DNAI3: variants seen among roughly 807,000 people sequenced by gnomAD.
DNAI3 encodes the protein WD repeat domain 63.
A neutral mutation model predicts 115.5 loss-of-function variants in DNAI3; 83 were observed. The observed-to-expected ratio is 0.72, with a 90% CI of 0.60 to 0.86. DNAI3 has a LOEUF of 0.86. Ranked by LOEUF, DNAI3 falls within the 40% of genes least tolerant of loss-of-function variation. DNAI3 has a pLI of 0.00. For missense variants in DNAI3, 1,004 were observed against 1,075.8 expected (o/e 0.93, Z 0.93); for synonymous variants, 320 against 347.0 (o/e 0.92, Z 0.86).
At chr1:85,089,786 C>A (rs1049277638) in intron 7 of DNAI3, among the ~76,000 whole-genome samples, 2 of 151,962 alleles carry the variant, frequency 1.3e-5, no homozygotes, top group Non-Finnish European at 1.5e-5. Flanking sequence ...ATAAAGATGG[C>A]AAAATGTTAA....
At chr1:85,097,321 T>C (rs902097455) in intron 11 of DNAI3, among the ~76,000 whole-genome samples, 2 of 152,174 alleles carry the variant, frequency 1.3e-5, no homozygotes, top group Non-Finnish European at 2.9e-5. Flanking sequence ...TTATTTTGGA[T>C]TTTTTAAAAA....
chr1:85,129,924 AG>A, intron 21 of DNAI3, 65 bp from the exon 22 acceptor site: 1 of 1,520,128 alleles, frequency 6.6e-7, no homozygotes, highest in Non-Finnish European at 8.8e-7. Context: ...AAATTCTAAC[AG>A]AGCCTTGTAA....
intron 22 of DNAI3, 28 bp from the exon 23 acceptor site, chr1:85,132,827 G>A (rs368724198): frequency 1.3e-6 from 2 of 1,528,746 alleles, no homozygotes; most frequent in South Asian, 1.1e-5. Context: ...TGTTTTATAG[G>A]GATGTCTTGT....
chr1:85,088,754 C>G (rs1055327656), intron 7 of DNAI3, among the ~76,000 whole-genome samples: 1 of 152,032 alleles, frequency 6.6e-6, no homozygotes, highest in African/African-American at 2.4e-5. Context: ...TGAAAAACAA[C>G]AAAACAAATC....
At chr1:85,072,031 G>A in intron 2 of DNAI3, 26 bp downstream of exon 2, 2 of 1,595,754 alleles carry the variant, frequency 1.3e-6, no homozygotes, top group Non-Finnish European at 1.7e-6. Context: ...CATTGAATGG[G>A]ATTTTTTGTG....
In DNAI3 at chr1:85,069,607, C is replaced by T. The variant is rs1273037315; in HGVS notation, c.-14-2321C>T. The stretch of plus-strand genomic sequence containing the variant: ...TTCACCATGTTGGCCAGGTTGATCT[C>T]GAACTCCTGACCTCGCGATCCACCC... On this transcript the variant is annotated intron_variant, in intron 1 of 22. Coordinates refer to ENST00000294664, the MANE Select transcript of DNAI3 (RefSeq NM_145172.5). 5.3e-5 allele frequency among the ~76,000 whole-genome samples: 8 copies of T among 152,044 alleles called. No homozygotes were observed. In the South Asian group the frequency reaches 8.3e-4, roughly 16 times the overall value.
Position 85,098,637 on chromosome 1 carries a change from C to T in DNAI3, c.1458C>T (p.His486=), listed in dbSNP as rs1041837365. The T allele has an allele frequency of 6.2e-7, 1 of 1,613,236 alleles. No homozygotes were observed. Among genetic ancestry groups the T allele is most frequent in the East Asian group, 2.2e-5 (1 of 44,754 alleles). The stretch of plus-strand genomic sequence containing the variant: ...ATAAGAAAGTAATTACAGATATACA[C>T]TGGTTGTCTGACACATTTGAGGTGA... ...NGHKKVITDI[H]WLSDTFEINR... is the part of the protein sequence containing the mutation. Residue 486 remains histidine (H), a synonymous_variant, in exon 13 of 23, where the codon CAC becomes CAT. Coordinates refer to ENST00000294664, the MANE Select transcript of DNAI3 (RefSeq NM_145172.5).
intron 1 of DNAI3, among the ~76,000 whole-genome samples, chr1:85,068,223 A>T (rs550784606): frequency 2.3e-4 from 35 of 152,214 alleles, no homozygotes; most frequent in Non-Finnish European, 4.3e-4. Context: ...TTTATAGTCT[A>T]GTTTGCAGTC....
intron 5 of DNAI3, among the ~76,000 whole-genome samples, chr1:85,083,790 T>C (rs1455179552): frequency 6.6e-6 from 1 of 152,068 alleles, no homozygotes; most frequent in African/African-American, 2.4e-5. Flanking sequence ...TCCATTTTCT[T>C]TACTCCTCCC....
intron 3 of DNAI3, among the ~76,000 whole-genome samples, chr1:85,079,865 A>T (rs1654576526): frequency 6.6e-6 from 1 of 151,860 alleles, no homozygotes; most frequent in Non-Finnish European, 1.5e-5. Flanking sequence ...AGATGGGAGG[A>T]AAGGGATTCC....
At chr1:85,098,436 A>G (rs1006245919) in intron 12 of DNAI3, 94 bp from the exon 13 acceptor site, 4 of 1,458,258 alleles carry the variant, frequency 2.7e-6, no homozygotes, top group Non-Finnish European at 3.7e-6. Flanking sequence ...GTATATCTCT[A>G]AATTGTTCAT....
intron 13 of DNAI3, among the ~76,000 whole-genome samples, chr1:85,100,989 G>A (rs896345113): frequency 2.0e-5 from 3 of 151,726 alleles, no homozygotes; most frequent in African/African-American, 4.8e-5. Flanking sequence ...GGGGGGAGGA[G>A]GGGGGATAGC....
chr1:85,126,381 T>C (rs1001262713), intron 19 of DNAI3, 130 bp from the exon 20 acceptor site: 83 of 921,636 alleles, frequency 9.0e-5, no homozygotes, highest in Non-Finnish European at 3.3e-5. Flanking sequence ...AAGTAAGACT[T>C]CCTGTGGGCA....
intron 16 of DNAI3, among the ~76,000 whole-genome samples, chr1:85,116,645 C>T (rs1655826315): frequency 6.6e-6 from 1 of 152,136 alleles, no homozygotes; most frequent in Non-Finnish European, 1.5e-5. Context: ...TAAATGGGTA[C>T]AAAATGCCTT....
chr1:85,124,128 G>T lies in DNAI3; in HGVS notation c.1989G>T (p.Lys663Asn). 1 of 1,614,110 alleles carries T rather than the reference G, an allele frequency of 6.2e-7. No individual in the cohort carries two copies. Among genetic ancestry groups the T allele is most frequent in the South Asian group, 1.1e-5 (1 of 91,084 alleles). Reference sequence around the variant, plus strand: ...CTTCTTTCACTCCAATAGCAAAGAAGCCAGTGAGCCACCACACCATTCACG... The same window carrying T: ...CTTCTTTCACTCCAATAGCAAAGAATCCAGTGAGCCACCACACCATTCACG... ...DPETGRLMSK[K>N]PVSHHTIHDG... The change falls in exon 19 of 23, where the codon AAG becomes AAT. Residue 663 changes from lysine to asparagine, a missense_variant. Transcript: ENST00000294664.
chr1:85,122,306 A>G (rs567280647), intron 18 of DNAI3, among the ~76,000 whole-genome samples: 2 of 152,300 alleles, frequency 1.3e-5, no homozygotes, highest in South Asian at 2.1e-4. Context: ...CTTTGGGGCT[A>G]GGACAGGTCG....
Position 85,081,401 on chromosome 1 carries a change from A to G in DNAI3, c.271A>G (p.Lys91Glu), listed in dbSNP as rs1654628387. The G allele has an allele frequency of 6.4e-7, 1 of 1,569,018 alleles. No individual in the cohort carries two copies. The highest frequency in any genetic ancestry group is 1.4e-5 in the African/African-American group (1 of 71,752). The change falls in exon 4 of 23, where the codon AAA (lysine) becomes GAA (glutamate). Residue 91 changes from lysine to glutamate, a missense_variant. Around this residue, in one of 3 missense-constraint regions of DNAI3, gnomAD observed 550 missense variants for 568.1 expected, o/e 0.97. Coordinates refer to ENST00000294664, the MANE Select transcript of DNAI3 (RefSeq NM_145172.5). ...RAAVSDFHPVKKIVQEYPGNE... is the reference protein window; with the variant it reads ...RAAVSDFHPVEKIVQEYPGNE... The stretch of plus-strand genomic sequence containing the variant: ...TGCAGTATCTGATTTCCACCCAGTC[A>G]AAAAAATTGTCCAGGTAAGCACAAT...
At chr1:85,063,276 G>T (rs1039861592) in intron 1 of DNAI3, among the ~76,000 whole-genome samples, 1 of 147,238 alleles carries the variant, frequency 6.8e-6, no homozygotes, top group African/African-American at 2.5e-5. Context: ...TGCCTTGAAT[G>T]ATGAGAAAGA....
chr1:85,062,867 G>T (rs1307949458), intron 1 of DNAI3, among the ~76,000 whole-genome samples: 1 of 152,136 alleles, frequency 6.6e-6, no homozygotes, highest in African/African-American at 2.4e-5. Context: ...CTGATTATCC[G>T]TCTAGGGGCG....
Sources: gnomAD v4.1 joint callset for allele counts (sites outside exome capture counted in the v4.1 genomes callset) on GRCh38, gnomAD v4.1.1 for gene constraint, gnomAD v4.1.1 regional missense constraint, MANE v1.5 for transcripts, NCBI Gene and HGNC (gene_info 2026-07-23, HGNC 2026-07-21) for gene names.